Variants in MYT1L observed in about 807,000 individuals in gnomAD.
MYT1L encodes myelin transcription factor 1 like, also known as myelin transcription factor 1-like protein.
In MYT1L, 12 loss-of-function variants were observed where a neutral mutation model predicts 126.7. The ratio of observed to expected loss-of-function variants is 0.09; its 90% confidence interval spans 0.06 to 0.15. The LOEUF is 0.15. Among genes scored for constraint, MYT1L ranks in the 10% least tolerant of loss-of-function variants. The pLI is 1.00. For synonymous variants in MYT1L, 541 were observed against 604.2 expected, an observed-to-expected ratio of 0.90 and a Z score of 1.53; for missense variants, 979 against 1,585.2, an observed-to-expected ratio of 0.62 and a Z score of 6.49.
chr2:2,180,752 G>A (rs1316686416), intron 2 of MYT1L, among the ~76,000 whole-genome samples: 1 of 151,046 alleles, frequency 6.6e-6, no homozygotes, highest in African/African-American at 2.4e-5. Context: ...GTGTGTGCTT[G>A]TGCATGTACC....
At chr2:2,216,624 T>G (rs1394690995) in intron 2 of MYT1L, among the ~76,000 whole-genome samples, 1 of 151,804 alleles carries the variant, frequency 6.6e-6, no homozygotes, top group Non-Finnish European at 1.5e-5. Context: ...GAAAAGCAAA[T>G]TAAACCCAAA....
chr2:1,855,270 G>A (rs563476490), intron 18 of MYT1L, among the ~76,000 whole-genome samples: 11 of 152,164 alleles, frequency 7.2e-5, no homozygotes, highest in East Asian at 1.9e-4. Flanking sequence ...CCTCGACCAC[G>A]GGCGTGGCGT....
At chr2:2,185,294 A>G (rs2091995584) in intron 2 of MYT1L, among the ~76,000 whole-genome samples, 1 of 152,266 alleles carries the variant, frequency 6.6e-6, no homozygotes, top group African/African-American at 2.4e-5. Context: ...CTATTTAATT[A>G]AAATGTAACT....
intron 8 of MYT1L, among the ~76,000 whole-genome samples, chr2:1,955,974 T>C (rs866043711): frequency 5.9e-5 from 9 of 152,234 alleles, no homozygotes; most frequent in Admixed American, 4.6e-4. Context: ...TTAATATGAC[T>C]GCTTTTGTTA....
chr2:1,931,746 GA>G (rs1435837947), intron 9 of MYT1L, among the ~76,000 whole-genome samples: 2 of 152,176 alleles, frequency 1.3e-5, no homozygotes, highest in Non-Finnish European at 2.9e-5. Context: ...TCCACCAATA[GA>G]AGGGATTCTC....
rs1357363683 is a variant in MYT1L, at chr2:2,004,083, GTTCTTTCCTGCGTGCC to G, written c.-157-6752_-157-6737del. On this transcript the variant is annotated intron_variant, in intron 4 of 24. Transcript: ENST00000647738. Reference sequence around the variant, plus strand: ...CCTGCAGGCGTTCTTTCCTGCATATGTTCTTTCCTGCGTGCCTTCTTTCCTGCGTGCCTTCCTTCCT... The same window carrying G: ...CCTGCAGGCGTTCTTTCCTGCATATGTTCTTTCCTGCGTGCCTTCCTTCCT... Among the ~76,000 whole-genome samples the G allele has an allele frequency of 5.5e-4, 82 of 148,182 alleles. 2 individuals carry two copies. The Middle Eastern group carries it at 0.011, about 20-fold the overall frequency.
intron 2 of MYT1L, among the ~76,000 whole-genome samples, chr2:2,230,124 A>G (rs1019623811): frequency 6.6e-6 from 1 of 152,288 alleles, no homozygotes; most frequent in South Asian, 2.1e-4. Flanking sequence ...GCATTTGACA[A>G]CCCTTTTATA....
intron 23 of MYT1L, among the ~76,000 whole-genome samples, chr2:1,792,871 CAAA>C (rs55682787): frequency 5.2e-5 from 4 of 76,298 alleles, no homozygotes; most frequent in Admixed American, 2.1e-4. Context: ...TTCCGTCTCA[CAAA>C]AAAAAAAAAA....
At chr2:2,082,105 C>T (rs1394215270) in intron 3 of MYT1L, among the ~76,000 whole-genome samples, 2 of 152,050 alleles carry the variant, frequency 1.3e-5, no homozygotes, top group Non-Finnish European at 2.9e-5. Flanking sequence ...TGATAGCATC[C>T]ATCAGTAGGG....
At chr2:2,297,856 C>A (rs750404992) in intron 1 of MYT1L, among the ~76,000 whole-genome samples, 1 of 152,182 alleles carries the variant, frequency 6.6e-6, no homozygotes, top group Admixed American at 6.5e-5. Flanking sequence ...TCTGCTCTCT[C>A]CCTCTCTCCC....
At chr2:2,289,152 G>A (rs1021589646) in intron 1 of MYT1L, among the ~76,000 whole-genome samples, 4 of 152,322 alleles carry the variant, frequency 2.6e-5, no homozygotes, top group East Asian at 1.9e-4. Context: ...AGACAACAGA[G>A]GGTGATGCCT....
intron 1 of MYT1L, among the ~76,000 whole-genome samples, chr2:2,292,985 C>A (rs2095621541): frequency 6.6e-6 from 1 of 152,122 alleles, no homozygotes; most frequent in South Asian, 2.1e-4. Context: ...CTCTGTCTTG[C>A]ATGTTTATGT....
chr2:2,313,785 C>G (rs1196381412), intron 1 of MYT1L, among the ~76,000 whole-genome samples: 1 of 152,146 alleles, frequency 6.6e-6, no homozygotes, highest in Non-Finnish European at 1.5e-5. Context: ...TGATCTTAGT[C>G]TAGAAGCATG....
At chr2:1,813,939 A>G (rs896953851) in intron 21 of MYT1L, among the ~76,000 whole-genome samples, 3 of 129,624 alleles carry the variant, frequency 2.3e-5, no homozygotes, top group African/African-American at 8.5e-5. Flanking sequence ...AGGCAGGAGA[A>G]TGGCGCGAAC....
chr2:2,001,488 A>G (rs559576195), intron 4 of MYT1L, among the ~76,000 whole-genome samples: 2 of 152,310 alleles, frequency 1.3e-5, no homozygotes, highest in East Asian at 3.9e-4. Flanking sequence ...TTATATGTAA[A>G]CATTTGATCA....
At chr2:2,235,939 T>C (rs777149285) in intron 2 of MYT1L, among the ~76,000 whole-genome samples, 13 of 152,234 alleles carry the variant, frequency 8.5e-5, no homozygotes, top group Non-Finnish European at 1.5e-4. Context: ...AATCCAATAG[T>C]TTCATTTGCA....
intron 4 of MYT1L, among the ~76,000 whole-genome samples, chr2:2,029,063 A>G (rs1052400772): frequency 2.0e-5 from 3 of 152,222 alleles, no homozygotes; most frequent in African/African-American, 7.2e-5. Flanking sequence ...AGAACTTTTT[A>G]AAAAGCTTCA....
At chr2:1,868,642 G>A (rs1278363392) in intron 18 of MYT1L, among the ~76,000 whole-genome samples, 1 of 152,220 alleles carries the variant, frequency 6.6e-6, no homozygotes, top group Non-Finnish European at 1.5e-5. Flanking sequence ...AGGGAAGGGG[G>A]TCCATTCCTC....
chr2:1,965,168 G>A (rs1380864084), intron 8 of MYT1L, among the ~76,000 whole-genome samples: 3 of 149,570 alleles, frequency 2.0e-5, no homozygotes, highest in East Asian at 2.0e-4. Context: ...GACCAGGCAG[G>A]GAAGAGGAGG....
Sources: gnomAD v4.1 joint callset for allele counts (sites outside exome capture counted in the v4.1 genomes callset) on GRCh38, gnomAD v4.1.1 for gene constraint, MANE v1.5 for transcripts, NCBI Gene and HGNC (gene_info 2026-07-23, HGNC 2026-07-21) for gene names.